Variants in PCNX2 observed in about 807,000 individuals in gnomAD.
PCNX2 encodes pecanex 2.
PCNX2 carries 168 observed loss-of-function variants against 223.8 expected under a neutral mutation model. That is an observed-to-expected ratio of 0.75 (90% confidence interval 0.66 to 0.85). PCNX2 has a LOEUF of 0.85. Ranked by LOEUF, PCNX2 falls within the 40% of genes least tolerant of loss-of-function variation. The probability of loss-of-function intolerance (pLI) is 0.00; values close to 1 mark genes in which losing one functional copy is unlikely to be tolerated. For synonymous variants in PCNX2, 1,006 were observed against 1,052.6 expected (o/e 0.96, Z 0.86); for missense variants, 2,507 against 2,675.5 (o/e 0.94, Z 1.39).
chr1:233,217,811 A>G, intron 12 of PCNX2, 88 bp downstream of exon 12: 2 of 1,436,326 alleles, frequency 1.4e-6, no homozygotes, highest in South Asian at 2.4e-5. Flanking sequence ...CTAGGTACAG[A>G]CTTGGCCCTT....
chr1:233,067,158 T>G (rs1202258729), intron 23 of PCNX2, among the ~76,000 whole-genome samples: 1 of 151,514 alleles, frequency 6.6e-6, no homozygotes, highest in Non-Finnish European at 1.5e-5. Flanking sequence ...TCATAATACA[T>G]AATAGCACCC....
At chr1:233,086,858 G>A (rs1304241094) in intron 23 of PCNX2, 4 of 217,296 alleles carry the variant, frequency 1.8e-5, no homozygotes, top group African/African-American at 4.7e-5. Flanking sequence ...GCATTTCTCC[G>A]TTTTCCTCAG....
intron 32 of PCNX2, among the ~76,000 whole-genome samples, chr1:232,989,079 C>T (rs986601040): frequency 1.3e-5 from 2 of 152,118 alleles, no homozygotes; most frequent in African/African-American, 4.8e-5. Context: ...CAGTTGGGTC[C>T]CCAGTTATGT....
chr1:233,075,735 ACAC>A (rs1308196533), intron 23 of PCNX2, among the ~76,000 whole-genome samples: 87 of 151,842 alleles, frequency 5.7e-4, no homozygotes, highest in Admixed American at 1.6e-3. Flanking sequence ...ACACACACAC[ACAC>A]AACAGAAAAG....
chr1:233,249,624 A>G (rs1659329072), intron 8 of PCNX2, among the ~76,000 whole-genome samples: 2 of 152,174 alleles, frequency 1.3e-5, no homozygotes, highest in African/African-American at 4.8e-5. Flanking sequence ...GGAAGAGTGG[A>G]CGGCAAGTGG....
chr1:233,105,101 T>A (rs1005834915), intron 21 of PCNX2, among the ~76,000 whole-genome samples: 4 of 152,070 alleles, frequency 2.6e-5, no homozygotes, highest in Non-Finnish European at 4.4e-5. Context: ...ATGTAAAAAT[T>A]CAACAAGGAT....
At chr1:233,011,399 T>A (rs1057392513) in intron 28 of PCNX2, among the ~76,000 whole-genome samples, 14 of 152,196 alleles carry the variant, frequency 9.2e-5, no homozygotes, top group African/African-American at 1.7e-4. Context: ...CCTGCCTTCA[T>A]AACAGTGGTT....
chr1:233,152,061 C>T (rs891451817), intron 19 of PCNX2, among the ~76,000 whole-genome samples: 2 of 152,122 alleles, frequency 1.3e-5, no homozygotes, highest in African/African-American at 2.4e-5. Flanking sequence ...TGGAGACTGA[C>T]GCAGGAAGAT....
intron 15 of PCNX2, among the ~76,000 whole-genome samples, chr1:233,198,561 T>C (rs1051130592): frequency 1.3e-5 from 2 of 152,232 alleles, no homozygotes; most frequent in Non-Finnish European, 2.9e-5. Flanking sequence ...TTCTGTCCTC[T>C]TGTCTATCTA....
At chr1:233,146,237 TTTG>T (rs1677439380) in intron 19 of PCNX2, among the ~76,000 whole-genome samples, 1 of 152,146 alleles carries the variant, frequency 6.6e-6, no homozygotes, top group African/African-American at 2.4e-5. Flanking sequence ...AGATTCTGAA[TTTG>T]TTAAGGGTAG....
intron 23 of PCNX2, chr1:233,058,042 T>C (rs943729777): frequency 8.1e-6 from 8 of 985,258 alleles, no homozygotes; most frequent in Non-Finnish European, 8.4e-6. Flanking sequence ...GGTTGAACCA[T>C]GAGAATGAAA....
rs750317467 is a variant in PCNX2, at chr1:233,054,489, G to T, written c.4136-6C>A. On this transcript the variant is annotated splice_region_variant and splice_polypyrimidine_tract_variant and intron_variant, in intron 24 of 33. Coordinates refer to ENST00000258229, the MANE Select transcript of PCNX2 (RefSeq NM_014801.4). ...GAGATTGTTGTCATCATTCCCTAAA[G>T]GCAGACAAGAAATATGATCAGTGAA... 5.6e-6 allele frequency: 9 copies of T among 1,604,154 alleles called. No homozygotes were observed. The highest frequency in any genetic ancestry group is 5.5e-5 in the South Asian group (5 of 90,458).
At chr1:233,085,139 C>T (rs1204398124) in intron 23 of PCNX2, among the ~76,000 whole-genome samples, 1 of 152,118 alleles carries the variant, frequency 6.6e-6, no homozygotes, top group Non-Finnish European at 1.5e-5. Context: ...TCAAGACTAG[C>T]CTGAACAACA....
At chr1:233,093,759 G>A (rs1368900141) in intron 22 of PCNX2, among the ~76,000 whole-genome samples, 1 of 152,122 alleles carries the variant, frequency 6.6e-6, no homozygotes, top group Non-Finnish European at 1.5e-5. Context: ...GTGGAAGTGG[G>A]TGTCACTAAC....
At chr1:233,016,800 C>A (rs1670679790) in intron 27 of PCNX2, 121 bp downstream of exon 27, 1 of 1,448,140 alleles carries the variant, frequency 6.9e-7, no homozygotes, top group Admixed American at 2.6e-5. Flanking sequence ...CCAAATAGTG[C>A]TTTTTTTCTA....
At chr1:233,267,366 T>C (rs1254398699) in intron 1 of PCNX2, among the ~76,000 whole-genome samples, 1 of 152,078 alleles carries the variant, frequency 6.6e-6, no homozygotes, top group Non-Finnish European at 1.5e-5. Context: ...TGTGGTAAAA[T>C]ATATATAATA....
chr1:233,095,950 G>A, intron 21 of PCNX2, 87 bp from the exon 22 acceptor site: 2 of 930,556 alleles, frequency 2.1e-6, no homozygotes, highest in East Asian at 2.6e-5. Flanking sequence ...CATTTGTCAA[G>A]GTTAGGAAGG....
intron 17 of PCNX2, among the ~76,000 whole-genome samples, chr1:233,176,571 C>A (rs1410616947): frequency 1.3e-5 from 2 of 152,218 alleles, no homozygotes; most frequent in African/African-American, 4.8e-5. Flanking sequence ...GTTTATCTGA[C>A]AAGCTTTCAT....
At chr1:233,281,852 A>G (rs1290240259) in intron 1 of PCNX2, among the ~76,000 whole-genome samples, 3 of 152,198 alleles carry the variant, frequency 2.0e-5, no homozygotes, top group African/African-American at 7.2e-5. Context: ...CCATTAATGC[A>G]GAGTGATTAG....
Sources: allele counts gnomAD v4.1 joint callset (sites outside exome capture counted in the v4.1 genomes callset), GRCh38; gene constraint gnomAD v4.1.1; transcripts MANE v1.5; gene names NCBI Gene and HGNC (gene_info 2026-07-23, HGNC 2026-07-21).